CHD4: variants seen among roughly 807,000 people sequenced by gnomAD.
CHD4 encodes the protein chromodomain helicase DNA binding protein 4.
Under a neutral mutation model 235.5 loss-of-function variants are expected in CHD4, and 35 were observed. That is an observed-to-expected ratio of 0.15 (90% confidence interval 0.11 to 0.20). The LOEUF (loss-of-function observed/expected upper bound fraction) is 0.20. CHD4 is among the 10% of genes least tolerant of loss of function. The pLI is 1.00. For synonymous variants in CHD4, 900 were observed against 850.2 expected, an observed-to-expected ratio of 1.06 and a Z score of -1.02; for missense variants, 1,329 against 2,432.3, an observed-to-expected ratio of 0.55 and a Z score of 9.54.
chr12:6,587,534 A>G lies in CHD4; in HGVS notation c.3729T>C (p.Asp1243=). 1.2e-6 allele frequency: 2 copies of G among 1,614,164 alleles called. No homozygotes were observed. The highest frequency in any genetic ancestry group is 1.7e-6 in the Non-Finnish European group (2 of 1,180,030). The change falls in exon 25 of 40, where the codon GAT becomes GAC. Residue 1243 remains aspartate, a synonymous_variant. Transcript: ENST00000544040. ...DGGGDNKEGE[D]SSVIHYDDKA... ...TATCATCGTAGTGGATAACACTGCT[A>G]TCTTCTCCCTCTTTGTTGTCTCCTC...
chr12:6,581,934 C>T (rs934856982), intron 30 of CHD4, 120 bp from the exon 31 acceptor site: 1 of 1,296,574 alleles, frequency 7.7e-7, no homozygotes, highest in African/African-American at 1.5e-5. Flanking sequence ...TTCTGAGTAG[C>T]TGGGAATACA....
chr12:6,594,903 A>G (rs1474811799), intron 14 of CHD4, among the ~76,000 whole-genome samples: 1 of 152,172 alleles, frequency 6.6e-6, no homozygotes, highest in African/African-American at 2.4e-5. Flanking sequence ...ACTCCCTACC[A>G]ATACAATAAT....
intron 37 of CHD4, 74 bp downstream of exon 37, chr12:6,577,711 A>G: frequency 6.3e-7 from 1 of 1,575,904 alleles, no homozygotes; most frequent in Non-Finnish European, 8.7e-7. Context: ...GGATGGACAG[A>G]CTCCCTCTGC....
Position 6,593,075 on chromosome 12 carries a change from C to G in CHD4, c.2652+16G>C, listed in dbSNP as rs1344802339. ...ACCCAAAGTGGGGGCTCCAACATCC[C>G]TCCCTCAGCCCTCACCTTAGACTGA... On this transcript the variant is annotated intron_variant, in intron 17 of 39. Coordinates refer to ENST00000544040, the MANE Select transcript of CHD4 (RefSeq NM_001273.5). The surrounding 1 kb of genome is among the most constrained non-coding windows in gnomAD (Gnocchi z 4.9). 6.2e-7 allele frequency: 1 copy of G among 1,612,470 alleles called. No homozygotes were observed. The highest frequency in any genetic ancestry group is 2.2e-5 in the East Asian group (1 of 44,864).
intron 25 of CHD4, among the ~76,000 whole-genome samples, chr12:6,584,920 C>T (rs781676537): frequency 2.0e-5 from 3 of 152,190 alleles, no homozygotes. Context: ...TGATTGAACA[C>T]TACGGTACAC....
intron 2 of CHD4, among the ~76,000 whole-genome samples, chr12:6,602,702 C>T (rs973165826): frequency 6.6e-5 from 10 of 152,190 alleles, no homozygotes; most frequent in African/African-American, 2.4e-4. Context: ...ATAGGCCTGC[C>T]AGGCCAGACC....
chr12:6,602,291 A>G, intron 3 of CHD4, 85 bp downstream of exon 3: 1 of 1,602,048 alleles, frequency 6.2e-7, no homozygotes, highest in Non-Finnish European at 8.5e-7. Context: ...TCTGAGAAAG[A>G]AACAAATGCC....
Position 6,598,179 on chromosome 12 carries a change from T to TC in CHD4, c.1686+42dup, listed in dbSNP as rs749125214. ...CCACAAGGCTCTTTTGTCACTATCC[T>TC]CTTCATCGTAGCCCCTACATCTCCA... is the stretch of plus-strand genomic sequence containing the variant. On this transcript the variant is annotated intron_variant, in intron 11 of 39. Transcript: ENST00000544040. 6 of 1,609,236 alleles carry TC rather than the reference T, an allele frequency of 3.7e-6. No homozygotes were observed. The African/African-American group carries it at 8.0e-5, about 22-fold the overall frequency.
chr12:6,601,222 C>T (rs981605748), intron 6 of CHD4, 67 bp downstream of exon 6: 1 of 1,582,514 alleles, frequency 6.3e-7, no homozygotes, highest in Non-Finnish European at 8.6e-7. Flanking sequence ...GACCAGCATT[C>T]CCATGCTGTC....
rs754073156 is a variant in CHD4, at chr12:6,588,292, G to A, written c.3465+6C>T. The A allele has an allele frequency of 1.2e-6, 2 of 1,613,250 alleles. No homozygotes were observed. Among genetic ancestry groups the A allele is most frequent in the Non-Finnish European group, 1.7e-6 (2 of 1,179,422 alleles). On this transcript the variant is annotated splice_donor_region_variant and intron_variant, in intron 23 of 39. Coordinates refer to ENST00000544040, the MANE Select transcript of CHD4 (RefSeq NM_001273.5). ...CTTATTAAGGCTGCCTGCTGCCTCT[G>A]CTCACCTGAATGTCATTATGGGGGT...
At chr12:6,600,751 T>G in intron 7 of CHD4, 82 bp from the exon 8 acceptor site, 1 of 1,551,066 alleles carries the variant, frequency 6.4e-7, no homozygotes, top group Non-Finnish European at 8.8e-7. Flanking sequence ...ACTCTCTCAC[T>G]GGGGACACCA....
At position 6,578,122 on chromosome 12, in the gene CHD4, CA is replaced by C; in HGVS notation, c.5134del (p.Trp1712GlyfsTer27). ...TGTGGCTGCCCGCTCTTCATTCTGC[CA>C]AAGGGAGTGCAACTCTGAGGAGGAA... ...DGGFTELHSL[W>X]QNEERAATVT... On this transcript the variant is annotated frameshift_variant, in exon 36 of 40. Transcript: ENST00000544040. LOFTEE classifies it high-confidence loss of function. 6.2e-7 allele frequency: 1 copy of C among 1,612,550 alleles called. No individual in the cohort carries two copies.
chr12:6,580,726 A>AAAAAAAAAAAC (rs1948169682), intron 33 of CHD4: 1 of 265,744 alleles, frequency 3.8e-6, no homozygotes, highest in Non-Finnish European at 6.9e-6. Flanking sequence ...AAAAAAAAAA[A>AAAAAAAAAAAC]AGCCAGGCAC....
Position 6,570,619 on chromosome 12 carries a change from C to A in CHD4, c.*57G>T. The A allele has an allele frequency of 6.2e-7, 1 of 1,611,296 alleles. No homozygotes were observed. The highest frequency in any genetic ancestry group is 8.5e-7 in the Non-Finnish European group (1 of 1,177,668). ...CAGGCCCCCAGGGGAGAAGCTGGGA[C>A]AAGAGAAAGTGAGGAAGGTCACTGC... On this transcript the variant is annotated 3_prime_UTR_variant, in exon 40 of 40. Coordinates refer to ENST00000544040, the MANE Select transcript of CHD4 (RefSeq NM_001273.5).
Position 6,595,865 on chromosome 12 carries a change from G to A in CHD4, c.2024+141C>T, listed in dbSNP as rs184133418. On this transcript the variant is annotated intron_variant, in intron 13 of 39. Transcript: ENST00000544040. ...CCCAGCTACTCAGGAGGCTAAGGCA[G>A]GAGAATCGTTTGAACCAGGAAGTCG... The A allele has an allele frequency of 2.0e-5, 17 of 855,212 alleles. No individual in the cohort carries two copies. In the East Asian group the frequency reaches 3.5e-4, roughly 18 times the overall value. The allele number at this position is 855,212 out of a possible 1,614,324, so 53.0% of individuals were successfully genotyped here. A position where few individuals can be genotyped will look rare whatever the true frequency, so the allele number is the denominator to read the frequency against.
chr12:6,604,770 G>T (rs762910084), intron 2 of CHD4, among the ~76,000 whole-genome samples: 2 of 152,160 alleles, frequency 1.3e-5, no homozygotes, highest in Non-Finnish European at 2.9e-5. Context: ...ATGGGGTGTG[G>T]CAAGTGGAAA....
chr12:6,590,740 G>A (rs1032973916), intron 22 of CHD4, among the ~76,000 whole-genome samples: 1 of 152,142 alleles, frequency 6.6e-6, no homozygotes, highest in African/African-American at 2.4e-5. Context: ...AGGATCACTT[G>A]AGCCTGGGGG....
chr12:6,578,568 A>G, intron 34 of CHD4, 22 bp from the exon 35 acceptor site: 2 of 1,607,644 alleles, frequency 1.2e-6, no homozygotes, highest in Non-Finnish European at 1.7e-6. Context: ...GGGGAAGAAA[A>G]ATGTCAGCTC....
intron 2 of CHD4, among the ~76,000 whole-genome samples, chr12:6,603,554 G>C (rs1215752258): frequency 6.8e-6 from 1 of 147,874 alleles, no homozygotes; most frequent in South Asian, 2.2e-4. Flanking sequence ...GGGTTTGAGA[G>C]AGGTGGGGTG....
Sources: allele counts gnomAD v4.1 joint callset (sites outside exome capture counted in the v4.1 genomes callset), GRCh38; gene constraint gnomAD v4.1.1; non-coding constraint Gnocchi (gnomAD v3.1); transcripts MANE v1.5; gene names NCBI Gene and HGNC (gene_info 2026-07-23, HGNC 2026-07-21).